Variants in SRSF5 observed in about 807,000 individuals in gnomAD.
SRSF5 encodes the protein serine and arginine rich splicing factor 5, also known as serine/arginine-rich splicing factor 5.
A neutral mutation model predicts 34.0 loss-of-function variants in SRSF5; 5 were observed. The observed-to-expected ratio is 0.15, with a 90% CI of 0.08 to 0.31. The LOEUF is 0.31. SRSF5 is among the 10% of genes least tolerant of loss of function. The probability of loss-of-function intolerance (pLI) is 1.00; values close to 1 mark genes in which losing one functional copy is unlikely to be tolerated. For missense variants in SRSF5, 223 were observed against 351.4 expected (o/e 0.63, Z 2.92); for synonymous variants, 164 against 117.7 (o/e 1.39, Z -2.55).
chr14:69,770,657 T>A, intron 6 of SRSF5, 117 bp downstream of exon 6: 1 of 988,742 alleles, frequency 1.0e-6, no homozygotes, highest in Non-Finnish European at 1.5e-6. Flanking sequence ...CAGAGACAAT[T>A]TTGCTGCTTC....
At chr14:69,768,090 C>G (rs1191638425) in intron 1 of SRSF5, 48 bp from the exon 2 acceptor site, 2 of 1,600,622 alleles carry the variant, frequency 1.2e-6, no homozygotes, top group South Asian at 2.2e-5. Flanking sequence ...TCAGGCGTTT[C>G]TCTGTGACAG....
chr14:69,767,737 G>T (rs1256283220), intron 1 of SRSF5: 1 of 356,908 alleles, frequency 2.8e-6, no homozygotes, highest in East Asian at 7.7e-5. Context: ...TCGAGGCGTC[G>T]CGAGATTCTG....
At position 69,771,606 on chromosome 14, in the gene SRSF5, C is replaced by CT. The variant is rs1883219739; in HGVS notation, c.*148dup. The CT allele has an allele frequency of 3.2e-6, 3 of 937,794 alleles. No homozygotes were observed. The highest frequency in any genetic ancestry group is 3.1e-6 in the Non-Finnish European group (2 of 639,730). 58.1% of individuals were successfully genotyped at this position (937,794 alleles called of 1,614,324 possible). ...AGGGGGGTTGGGTTGGGCTGGATAT[C>CT]TTTGTAGATGTGGACCACCAAGGGG... On this transcript the variant is annotated 3_prime_UTR_variant, in exon 8 of 8. Transcript: ENST00000557154.
chr14:69,767,853 T>C, intron 1 of SRSF5: 1 of 380,230 alleles, frequency 2.6e-6, no homozygotes, highest in Non-Finnish European at 5.0e-6. Context: ...CTGCGGCAGA[T>C]GGGAGGGGGC....
intron 3 of SRSF5, 59 bp downstream of exon 3, chr14:69,768,733 A>G (rs769425575): frequency 1.2e-6 from 2 of 1,609,428 alleles, no homozygotes; most frequent in African/African-American, 1.3e-5. Context: ...GTCTGCTGGC[A>G]TATTTTTCTA....
intron 6 of SRSF5, 60 bp from the exon 7 acceptor site, chr14:69,770,935 T>C: frequency 7.1e-7 from 1 of 1,400,868 alleles, no homozygotes; most frequent in South Asian, 1.2e-5. Context: ...TAGACTGCTG[T>C]GTGCAATGTG....
chr14:69,767,989 T>C, intron 1 of SRSF5, 149 bp from the exon 2 acceptor site: 1 of 816,212 alleles, frequency 1.2e-6, no homozygotes, highest in Non-Finnish European at 1.9e-6. Flanking sequence ...TGTCTGCAGG[T>C]AACCTGGCCT....
rs1473454815 is a variant in SRSF5 at position 69,768,882 on chromosome 14, T to G, written c.282T>G (p.Pro94=). The change falls in exon 4 of 8, where the codon CCT becomes CCG. Residue 94 remains proline (P), a synonymous_variant. Coordinates refer to ENST00000557154, the MANE Select transcript of SRSF5 (RefSeq NM_001320214.2). The part of the protein sequence containing the change: ...RYSDRFSSRR[P]RNDRRNAPPV... ...CTGACCGTTTTAGTAGTCGCAGACCTCGAAATGATAGACGGTATGTGAAGG... is the reference window on the plus strand; with the variant it reads ...CTGACCGTTTTAGTAGTCGCAGACCGCGAAATGATAGACGGTATGTGAAGG... 2 of 1,614,112 alleles carry G rather than the reference T, an allele frequency of 1.2e-6. No homozygotes were observed. Among genetic ancestry groups the G allele is most frequent in the African/African-American group, 2.7e-5 (2 of 75,042 alleles).
At chr14:69,767,381 G>C (rs1002415015) in intron 1 of SRSF5, 126 bp downstream of exon 1, 1 of 455,996 alleles carries the variant, frequency 2.2e-6, no homozygotes, top group Admixed American at 2.3e-5. Context: ...TTGATTCGAG[G>C]TGGGCGCTGG....
In SRSF5 at chr14:69,771,484, GGCCTT is replaced by G; in HGVS notation, c.*24_*28del. The G allele has an allele frequency of 6.3e-7, 1 of 1,585,268 alleles. No homozygotes were observed. The highest frequency in any genetic ancestry group is 8.6e-7 in the Non-Finnish European group (1 of 1,167,146). On this transcript the variant is annotated 3_prime_UTR_variant, in exon 8 of 8. Coordinates refer to ENST00000557154, the MANE Select transcript of SRSF5 (RefSeq NM_001320214.2). ...TAAACTGTAAATAACTTGCCCTGGG[GGCCTT>G]TTTTTAAAAAACAAAAACCACAAAA...
At chr14:69,770,580 G>C in intron 6 of SRSF5, 40 bp downstream of exon 6, 1 of 1,567,496 alleles carries the variant, frequency 6.4e-7, no homozygotes, top group Non-Finnish European at 8.7e-7. Context: ...AAAATATCCG[G>C]AAAATTTTAC....
rs542377732 is a variant in SRSF5 at position 69,768,709 on chromosome 14, A to G, written c.197+35A>G. The G allele has an allele frequency of 8.1e-6, 13 of 1,611,682 alleles. No homozygotes were observed. In the East Asian group the frequency reaches 2.5e-4, roughly 30 times the overall value. On this transcript the variant is annotated intron_variant, in intron 3 of 7. Transcript: ENST00000557154. ...CTGTGTAACTAGATAACCCTGGGAC[A>G]TAGAGCAGACTGGGTCTGCTGGCAT...
At position 69,768,743 on chromosome 14, in the gene SRSF5, A is replaced by G. The variant is rs45507494; in HGVS notation, c.198-55A>G. On this transcript the variant is annotated intron_variant, in intron 3 of 7. Coordinates refer to ENST00000557154, the MANE Select transcript of SRSF5 (RefSeq NM_001320214.2). ...ACTGGGTCTGCTGGCATATTTTTCT[A>G]AGTAGATTTATGTAGCTTAAGTGTG... 2,661 of 1,611,172 alleles carry G rather than the reference A, an allele frequency of 1.7e-3. 29 individuals are homozygous for G. The highest frequency in any genetic ancestry group is 7.7e-3 in the South Asian group (700 of 91,024).
chr14:69,767,818 G>T, intron 1 of SRSF5: 3 of 359,678 alleles, frequency 8.3e-6, no homozygotes, highest in Non-Finnish European at 1.6e-5. Context: ...GGGCGGCTCC[G>T]CCCGCACTTC....
At chr14:69,767,703 C>G (rs928407532) in intron 1 of SRSF5, 24 of 363,264 alleles carry the variant, frequency 6.6e-5, no homozygotes, top group Non-Finnish European at 7.1e-5. Flanking sequence ...GAGCGCCCGC[C>G]CGCTGCTGTT....
Position 69,771,573 on chromosome 14 carries a change from GATTT to G in SRSF5, c.*113_*116del. 1.4e-6 allele frequency: 1 copy of G among 719,796 alleles called. No individual in the cohort carries two copies. Among genetic ancestry groups the G allele is most frequent in the Non-Finnish European group, 2.1e-6 (1 of 477,558 alleles). The allele number at this position is 719,796 out of a possible 1,614,324, so 44.6% of individuals were successfully genotyped here. A position where few individuals can be genotyped will look rare whatever the true frequency, so the allele number is the denominator to read the frequency against. ...AGTATGTGCTTTTCTGTGGGGGTGG[GATTT>G]GGAAGGGGGGTTGGGTTGGGCTGGA... On this transcript the variant is annotated 3_prime_UTR_variant, in exon 8 of 8. Coordinates refer to ENST00000557154, the MANE Select transcript of SRSF5 (RefSeq NM_001320214.2).
rs185542553 is a variant in SRSF5 at position 69,768,127 on chromosome 14, C to T, written c.-19-11C>T. On this transcript the variant is annotated splice_polypyrimidine_tract_variant and intron_variant, in intron 1 of 7. Transcript: ENST00000557154. Reference sequence around the variant, plus strand: ...CATTGCTATTATCTCGATTGAATTACTTTCTAATAGGAAGTACTAGCCGGA... The same window carrying T: ...CATTGCTATTATCTCGATTGAATTATTTTCTAATAGGAAGTACTAGCCGGA... 1.9e-4 allele frequency: 300 copies of T among 1,613,686 alleles called. No homozygotes were observed. In the African/African-American group the frequency reaches 2.9e-3, roughly 15 times the overall value.
At chr14:69,768,339 G>C in intron 2 of SRSF5, 57 bp downstream of exon 2, 2 of 1,601,408 alleles carry the variant, frequency 1.2e-6, no homozygotes, top group Non-Finnish European at 8.5e-7. Flanking sequence ...TTGATAAGCA[G>C]TTGTTTTCGA....
At chr14:69,767,956 G>A in intron 1 of SRSF5, 182 bp from the exon 2 acceptor site, 1 of 604,174 alleles carries the variant, frequency 1.7e-6, no homozygotes, top group East Asian at 3.1e-5. Context: ...GGACCGTGTT[G>A]GGAGGGAGCT....
Sources: allele counts gnomAD v4.1 joint callset, GRCh38; gene constraint gnomAD v4.1.1; transcripts MANE v1.5; gene names NCBI Gene and HGNC (gene_info 2026-07-23, HGNC 2026-07-21).